The following BOK variants were observed in gnomAD, a reference collection of about 807,000 sequenced individuals.
The protein encoded by BOK is bcl-2-related ovarian killer protein.
Under a neutral mutation model 18.3 loss-of-function variants are expected in BOK, and 20 were observed. The observed-to-expected ratio is 1.09, with a 90% CI of 0.77 to 1.59. BOK has a LOEUF of 1.59. BOK is among the 40% of genes most tolerant of loss of function. The pLI is 0.00. For synonymous variants in BOK, 173 were observed against 142.4 expected, an observed-to-expected ratio of 1.21 and a Z score of -1.53; for missense variants, 348 against 307.9, an observed-to-expected ratio of 1.13 and a Z score of -0.97.
At position 241,570,254 on chromosome 2, in the gene BOK, C is replaced by A; in HGVS notation, c.479C>A (p.Thr160Asn). 2 of 1,582,194 alleles carry A rather than the reference C, an allele frequency of 1.3e-6. No homozygotes were observed. Among genetic ancestry groups the A allele is most frequent in the African/African-American group, 1.3e-5 (1 of 74,186 alleles). ...VDCLGEFVRK[T>N]LATWLRRRGG... ...TGCCTGGGGGAGTTCGTGCGCAAGA[C>A]CCTGGCAACCTGGCTGCGGAGACGC... is the stretch of plus-strand genomic sequence containing the variant. The change falls in exon 4 of 5, where the codon ACC becomes AAC. Residue 160 changes from threonine (T) to asparagine (N), a missense_variant. Coordinates refer to ENST00000318407, the MANE Select transcript of BOK (RefSeq NM_032515.5).
chr2:241,563,608 T>G (rs1396994052), intron 3 of BOK, among the ~76,000 whole-genome samples: 1 of 152,178 alleles, frequency 6.6e-6, no homozygotes, highest in African/African-American at 2.4e-5. Flanking sequence ...GGAAGACCCC[T>G]GACAGCAGGG....
upstream of BOK, among the ~76,000 whole-genome samples, chr2:241,554,237 C>T (rs1022344880): frequency 6.6e-6 from 1 of 152,046 alleles, no homozygotes; most frequent in Admixed American, 6.6e-5. Flanking sequence ...GGAGAGAGGA[C>T]CAGGGTGGGG....
intron 2 of BOK, 89 bp downstream of exon 2, chr2:241,559,792 A>C (rs1282759242): frequency 1.6e-6 from 2 of 1,240,222 alleles, no homozygotes; most frequent in Non-Finnish European, 2.0e-6. Context: ...GGTCCGGCCC[A>C]GGGGCGCCCA....
rs547800079 is a variant in BOK at position 241,572,638 on chromosome 2, C to G, written c.*216C>G. ...TGGAGCTGGGCTTTGGGGCAGCCTG[C>G]GACCCTCCCCGCTTGTGTCCCTTCT... On this transcript the variant is annotated 3_prime_UTR_variant, in exon 5 of 5. Coordinates refer to ENST00000318407, the MANE Select transcript of BOK (RefSeq NM_032515.5). 4 of 645,460 alleles carry G rather than the reference C, an allele frequency of 6.2e-6. No individual in the cohort carries two copies. The highest frequency in any genetic ancestry group is 1.0e-5 in the Non-Finnish European group (4 of 381,148). 40.0% of individuals were successfully genotyped at this position (645,460 alleles called of 1,614,324 possible).
In BOK at chr2:241,559,560, A is replaced by G. The variant is rs1353577124; in HGVS notation, c.77A>G (p.Glu26Gly). The G allele has an allele frequency of 2.6e-5, 40 of 1,528,232 alleles. No homozygotes were observed. Among genetic ancestry groups the G allele is most frequent in the Non-Finnish European group, 3.5e-5 (40 of 1,146,972 alleles). 94.7% of individuals were successfully genotyped at this position (1,528,232 alleles called of 1,614,324 possible). A position where few individuals can be genotyped will look rare whatever the true frequency, so the allele number is the denominator to read the frequency against. ...TTTGACCGCTCGCCCACAGACAAGG[A>G]GCTGGTGGCCCAGGCCAAGGCGCTG... ...DAFDRSPTDK[E>G]LVAQAKALGR... Residue 26 changes from glutamate (E) to glycine (G), a missense_variant, in exon 2 of 5, where the codon GAG becomes GGG. Physicochemically the swap from Glu to Gly is moderately conservative, Grantham distance 98. Coordinates refer to ENST00000318407, the MANE Select transcript of BOK (RefSeq NM_032515.5).
chr2:241,559,531 C>G lies in BOK; in HGVS notation c.48C>G (p.Asp16Glu), dbSNP rs148655369. The G allele has an allele frequency of 5.3e-4, 798 of 1,517,138 alleles. 3 individuals carry two copies. The Middle Eastern group carries it at 9.4e-3, about 18-fold the overall frequency. The allele number at this position is 1,517,138 out of a possible 1,614,324, so 94.0% of individuals were successfully genotyped here. Residue 16 changes from aspartate to glutamate, a missense_variant, in exon 2 of 5, where the codon GAC becomes GAG. Transcript: ENST00000318407. ...RSSVFAAEIM[D>E]AFDRSPTDKE... ...CGGTCTTCGCCGCCGAGATCATGGA[C>G]GCCTTTGACCGCTCGCCCACAGACA...
chr2:241,555,754 C>A (rs544056766), upstream of BOK, among the ~76,000 whole-genome samples: 1 of 152,312 alleles, frequency 6.6e-6, no homozygotes, highest in African/African-American at 2.4e-5. Context: ...TACCTGGTTT[C>A]TGCAGCTCCT....
intron 1 of BOK, 118 bp downstream of exon 1, chr2:241,559,111 G>GGGGAGGGCCGGGTCC (rs1244218910): frequency 6.2e-6 from 1 of 162,150 alleles, no homozygotes; most frequent in East Asian, 1.7e-4. Context: ...GGGCCGGGGC[G>GGGGAGGGCCGGGTCC]GGGAGGGCCG....
chr2:241,559,992 C>T (rs968830415), intron 2 of BOK: 3 of 856,526 alleles, frequency 3.5e-6, no homozygotes, highest in Non-Finnish European at 4.2e-6. Context: ...GGCTAAGCTT[C>T]CACAGTGACC....
At chr2:241,571,712 A>G (rs1160801656) in intron 4 of BOK, among the ~76,000 whole-genome samples, 1 of 152,206 alleles carries the variant, frequency 6.6e-6, no homozygotes, top group Non-Finnish European at 1.5e-5. Flanking sequence ...TGCAGGGAAA[A>G]GCCTTCATGT....
upstream of BOK, among the ~76,000 whole-genome samples, chr2:241,557,088 T>C (rs2125042461): frequency 6.6e-6 from 1 of 152,244 alleles, no homozygotes; most frequent in Middle Eastern, 3.4e-3. Flanking sequence ...GATAGTGAAA[T>C]TTGTGTTATC....
rs542930076 is a variant in BOK, at chr2:241,560,011, C to T, written c.220+308C>T. On this transcript the variant is annotated intron_variant, in intron 2 of 4. Transcript: ENST00000318407. ...AAGCTTCCACAGTGACCCTTGTTCT[C>T]AGCTGGGCACAGAAACCCTTTGTAG... 1.1e-5 allele frequency: 10 copies of T among 929,540 alleles called. No homozygotes were observed. The South Asian group carries it at 3.5e-4, about 32-fold the overall frequency. The allele number at this position is 929,540 out of a possible 1,614,324, so 57.6% of individuals were successfully genotyped here. A position where few individuals can be genotyped will look rare whatever the true frequency, so the allele number is the denominator to read the frequency against.
At position 241,559,461 on chromosome 2, in the gene BOK, C is replaced by A; in HGVS notation, c.-23C>A. On this transcript the variant is annotated 5_prime_UTR_variant, in exon 2 of 5. Coordinates refer to ENST00000318407, the MANE Select transcript of BOK (RefSeq NM_032515.5). ...TGAGCGCTTGTGCCCGCAGGTGCGGCGCCCCCCACCCGCGTCGCCGCCATG... is the reference window on the plus strand; with the variant it reads ...TGAGCGCTTGTGCCCGCAGGTGCGGAGCCCCCCACCCGCGTCGCCGCCATG... 7.0e-7 allele frequency: 1 copy of A among 1,429,854 alleles called. No homozygotes were observed. Among genetic ancestry groups the A allele is most frequent in the Non-Finnish European group, 9.1e-7 (1 of 1,094,970 alleles). The allele number at this position is 1,429,854 out of a possible 1,614,324, so 88.6% of individuals were successfully genotyped here.
In BOK at chr2:241,571,958, G is replaced by A. The variant is rs536836468; in HGVS notation, c.514-339G>A. On this transcript the variant is annotated intron_variant, in intron 4 of 4. Coordinates refer to ENST00000318407, the MANE Select transcript of BOK (RefSeq NM_032515.5). Reference sequence around the variant, plus strand: ...GGGGGCAGCAGGCAGGTGGCCGAGGGGAGCTGGCACCCTGGTCTGGATGTC... The same window carrying A: ...GGGGGCAGCAGGCAGGTGGCCGAGGAGAGCTGGCACCCTGGTCTGGATGTC... 8.5e-5 allele frequency among the ~76,000 whole-genome samples: 13 copies of A among 152,336 alleles called. No individual in the cohort carries two copies. In the South Asian group the frequency reaches 2.5e-3, roughly 29 times the overall value.
At chr2:241,559,153 G>C (rs1266913436) in intron 1 of BOK, among the ~76,000 whole-genome samples, 160 bp downstream of exon 1, 2 of 151,282 alleles carry the variant, frequency 1.3e-5, no homozygotes, top group African/African-American at 4.8e-5. Flanking sequence ...GGACGCGCTG[G>C]GCTGTGCCCT....
In BOK at chr2:241,564,031, G is replaced by A. The variant is rs539861792; in HGVS notation, c.349+1555G>A. Among the ~76,000 whole-genome samples the A allele has an allele frequency of 7.6e-3, 1,152 of 152,372 alleles. 15 individuals are homozygous for A. The highest frequency in any genetic ancestry group is 0.01 in the Admixed American group (156 of 15,306). On this transcript the variant is annotated intron_variant, in intron 3 of 4. Transcript: ENST00000318407. ...GACACCCTCGGCTGGAGGCCAAGGC[G>A]GCGGGGGCTGCGAGCATTTTCTGAC...
At chr2:241,565,631 AGCCCCTC>A (rs2066599033) in intron 3 of BOK, among the ~76,000 whole-genome samples, 1 of 152,124 alleles carries the variant, frequency 6.6e-6, no homozygotes, top group Admixed American at 6.5e-5. Flanking sequence ...CGCCCTGCCC[AGCCCCTC>A]CACTGCAGGC....
intron 3 of BOK, among the ~76,000 whole-genome samples, chr2:241,565,113 C>G (rs2066591049): frequency 6.6e-6 from 1 of 152,142 alleles, no homozygotes; most frequent in Non-Finnish European, 1.5e-5. Flanking sequence ...GTGGCCCGGG[C>G]TATGTGTAGA....
At position 241,573,864 on chromosome 2, in the gene BOK, T is replaced by G. The variant is rs999682676; in HGVS notation, c.*1442T>G. 1 of 152,306 alleles carries G rather than the reference T, an allele frequency of 6.6e-6. No homozygotes were observed. The highest frequency in any genetic ancestry group is 1.5e-5 in the Non-Finnish European group (1 of 68,082). The allele number at this position is 152,306 out of a possible 1,614,324, so 9.4% of individuals were successfully genotyped here. On this transcript the variant is annotated 3_prime_UTR_variant, in exon 5 of 5. Coordinates refer to ENST00000318407, the MANE Select transcript of BOK (RefSeq NM_032515.5). ...ATTTCTAGGCACATGTGAGGCATCTTTCCTGGAGCCCCGAGCCAGCCCTGT... is the reference window on the plus strand; with the variant it reads ...ATTTCTAGGCACATGTGAGGCATCTGTCCTGGAGCCCCGAGCCAGCCCTGT...
Sources: allele counts gnomAD v4.1 joint callset (sites outside exome capture counted in the v4.1 genomes callset), GRCh38; gene constraint gnomAD v4.1.1; transcripts MANE v1.5; gene names NCBI Gene and HGNC (gene_info 2026-07-23, HGNC 2026-07-21).